MBOAT4: variants seen among roughly 807,000 people sequenced by gnomAD.
The protein encoded by MBOAT4 is membrane bound ghrelin O-acyltransferase MBOAT4, also known as membrane-bound ghrelin O-acyltransferase MBOAT4.
A neutral mutation model predicts 13.2 loss-of-function variants in MBOAT4; 11 were observed. That is an observed-to-expected ratio of 0.84 (90% confidence interval 0.53 to 1.38). The LOEUF (loss-of-function observed/expected upper bound fraction) is 1.38, where lower values mean the gene tolerates loss of function less well. Among genes scored for constraint, MBOAT4 ranks in the 40% most tolerant of loss-of-function variants. MBOAT4 has a pLI of 0.00. For synonymous variants in MBOAT4, 202 were observed against 210.3 expected (o/e 0.96, Z 0.34); for missense variants, 481 against 527.2 (o/e 0.91, Z 0.86).
At chr8:30,133,195 G>A (rs1024092115) in intron 2 of MBOAT4, among the ~76,000 whole-genome samples, 1 of 152,130 alleles carries the variant, frequency 6.6e-6, no homozygotes. Flanking sequence ...GGGATTACAG[G>A]CATGAGCCAC....
rs1433669245 is a variant in MBOAT4, at chr8:30,132,370, TC to T, written c.880del (p.Glu294LysfsTer60). 6.4e-7 allele frequency: 1 copy of T among 1,551,772 alleles called. No homozygotes were observed. The highest frequency in any genetic ancestry group is 1.2e-5 in the South Asian group (1 of 84,062). Reference protein sequence around the residue: ...YVPDADIWTLERTHRISVFSR... With the variant: ...YVPDADIWTLXRTHRISVFSR... ...GAACACAGATATCCTGTGGGTTCTT[TC>T]CAGGGTCCAGATGTCTGCATCGGGG... is the stretch of plus-strand genomic sequence containing the variant. On this transcript the variant is annotated frameshift_variant, in exon 3 of 3. Coordinates refer to ENST00000320542, the MANE Select transcript of MBOAT4 (RefSeq NM_001100916.2). LOFTEE classifies it low-confidence loss of function (END_TRUNC).
Position 30,134,604 on chromosome 8 carries a change from C to T in MBOAT4, c.345-1698G>A, listed in dbSNP as rs113659603. Among the ~76,000 whole-genome samples, 872 of 152,058 alleles carry T rather than the reference C, an allele frequency of 5.7e-3. 7 individuals are homozygous for T. Among genetic ancestry groups the T allele is most frequent in the African/African-American group, 0.02 (841 of 41,474 alleles). On this transcript the variant is annotated intron_variant, in intron 2 of 2. Coordinates refer to ENST00000320542, the MANE Select transcript of MBOAT4 (RefSeq NM_001100916.2). ...TGGCCCAGGCTGGAGTGCAGTGGCG[C>T]GATCTCAGCCGCCCACTGCAACCTC...
chr8:30,132,762 C>A lies in MBOAT4; in HGVS notation c.489G>T (p.Leu163=). The change falls in exon 3 of 3, where the codon CTG becomes CTT. Residue 163 remains leucine (L), a synonymous_variant. Coordinates refer to ENST00000320542, the MANE Select transcript of MBOAT4 (RefSeq NM_001100916.2). ...SSLSEHVCKA[L]PYFSYLLFFP... ...AAAAGAGCAAGTAGCTGAAATAGGGCAGTGCCTTACACACATGCTCAGACA... is the reference window on the plus strand; with the variant it reads ...AAAAGAGCAAGTAGCTGAAATAGGGAAGTGCCTTACACACATGCTCAGACA... 3 of 1,551,748 alleles carry A rather than the reference C, an allele frequency of 1.9e-6. No individual in the cohort carries two copies. The highest frequency in any genetic ancestry group is 2.6e-6 in the Non-Finnish European group (3 of 1,147,006).
intron 1 of MBOAT4, among the ~76,000 whole-genome samples, chr8:30,141,141 A>T (rs942891287): frequency 6.6e-6 from 1 of 151,870 alleles, no homozygotes; most frequent in Admixed American, 6.6e-5. Flanking sequence ...GTGCCTGGCC[A>T]TTGTTTTTTT....
At position 30,131,782 on chromosome 8, in the gene MBOAT4, G is replaced by T; in HGVS notation, c.*161C>A. On this transcript the variant is annotated 3_prime_UTR_variant, in exon 3 of 3. Transcript: ENST00000320542. Reference sequence around the variant, plus strand: ...AGTACCAGCAGAATAGCTTGCTAAAGTAGATACACAAATTCCTACTGCAAG... The same window carrying T: ...AGTACCAGCAGAATAGCTTGCTAAATTAGATACACAAATTCCTACTGCAAG... The T allele has an allele frequency of 1.3e-6, 1 of 782,392 alleles. No homozygotes were observed. The highest frequency in any genetic ancestry group is 2.0e-6 in the Non-Finnish European group (1 of 511,754). 48.5% of individuals were successfully genotyped at this position (782,392 alleles called of 1,614,324 possible).
intron 1 of MBOAT4, among the ~76,000 whole-genome samples, chr8:30,141,224 A>C (rs76181572): frequency 0.017 from 2,526 of 152,216 alleles, 84 homozygotes; most frequent in African/African-American, 0.058. Flanking sequence ...GGAGATGCAG[A>C]TCTGCAGAGG....
In MBOAT4 at chr8:30,144,471, C is replaced by CA; in HGVS notation, c.119+11dup. Reference sequence around the variant, plus strand: ...TTCTGGATGTAAGAGTAAAAATAGCCATCCAGCCTACCTGGCACGAGTGGA... The same window carrying CA: ...TTCTGGATGTAAGAGTAAAAATAGCCAATCCAGCCTACCTGGCACGAGTGGA... On this transcript the variant is annotated intron_variant, in intron 1 of 2. Coordinates refer to ENST00000320542, the MANE Select transcript of MBOAT4 (RefSeq NM_001100916.2). The CA allele has an allele frequency of 6.6e-7, 1 of 1,524,120 alleles. No individual in the cohort carries two copies. The highest frequency in any genetic ancestry group is 8.9e-7 in the Non-Finnish European group (1 of 1,122,788). 94.4% of individuals were successfully genotyped at this position (1,524,120 alleles called of 1,614,324 possible).
rs1370607241 is a variant in MBOAT4, at chr8:30,138,702, G to T, written c.174C>A (p.Ser58=). 1.9e-6 allele frequency: 3 copies of T among 1,550,484 alleles called. No individual in the cohort carries two copies. The highest frequency in any genetic ancestry group is 2.6e-6 in the Non-Finnish European group (3 of 1,147,002). The change falls in exon 2 of 3, where the codon TCC becomes TCA. Residue 58 remains serine, a synonymous_variant. Transcript: ENST00000320542. The stretch of plus-strand genomic sequence containing the variant: ...CAGGGGTGAAGACGAGCACGGCGTA[G>T]GAACCCATGGCAGCCACGGCCAGGG... ...GGALAVAAMG[S]YAVLVFTPAV... is the part of the protein sequence containing the mutation.
chr8:30,132,284 T>G lies in MBOAT4; in HGVS notation c.967A>C (p.Arg323=). The G allele has an allele frequency of 1.3e-6, 2 of 1,551,780 alleles. No individual in the cohort carries two copies. Among genetic ancestry groups the G allele is most frequent in the Non-Finnish European group, 1.7e-6 (2 of 1,147,016 alleles). ...WLRRLVFQHS[R]AWPLLQTFAF... ...AATGTCTGCAACAACGGCCAAGCCC[T>G]GCTGTGCTGGAATACAAGCCGTCGG... The change falls in exon 3 of 3, where the codon AGG becomes CGG. Residue 323 remains arginine (R), a synonymous_variant. Coordinates refer to ENST00000320542, the MANE Select transcript of MBOAT4 (RefSeq NM_001100916.2).
intron 2 of MBOAT4, among the ~76,000 whole-genome samples, chr8:30,135,585 C>T (rs965194150): frequency 2.6e-5 from 4 of 152,080 alleles, no homozygotes; most frequent in African/African-American, 7.2e-5. Context: ...CATCAAAGAT[C>T]CCACTGGCAA....
At chr8:30,143,368 T>TAAAAA (rs1183525272) in intron 1 of MBOAT4, among the ~76,000 whole-genome samples, 2 of 20,000 alleles carry the variant, frequency 1.0e-4, no homozygotes, top group African/African-American at 2.2e-4. Flanking sequence ...AAAAAAAAAA[T>TAAAAA]ATATATATAT....
Position 30,131,944 on chromosome 8 carries a change from C to T in MBOAT4, c.1307G>A (p.Ter436=), listed in dbSNP as rs752847049. 3.2e-6 allele frequency: 5 copies of T among 1,541,700 alleles called. No homozygotes were observed. Among genetic ancestry groups the T allele is most frequent in the Admixed American group, 2.0e-5 (1 of 50,250 alleles). ...LLAKRKHKCN[*] is the part of the protein sequence containing the mutation. Reference sequence around the variant, plus strand: ...TAAGGTGAAAGCCAGGGAAAGATGTCAGTTACATTTGTGCTTTCTCTTCGC... The same window carrying T: ...TAAGGTGAAAGCCAGGGAAAGATGTTAGTTACATTTGTGCTTTCTCTTCGC... The change falls in exon 3 of 3, where the codon TGA becomes TAA. Residue 436 remains the stop codon, a stop_retained_variant. Transcript: ENST00000320542.
Position 30,141,011 on chromosome 8 carries a change from T to A in MBOAT4, c.120-2255A>T, listed in dbSNP as rs180791409. On this transcript the variant is annotated intron_variant, in intron 1 of 2. Coordinates refer to ENST00000320542, the MANE Select transcript of MBOAT4 (RefSeq NM_001100916.2). The stretch of plus-strand genomic sequence containing the variant: ...CACCACCATACCTGGCTAATTTTTT[T>A]AATATTTTTTGTAGAGATGGGGATT... Among the ~76,000 whole-genome samples the A allele has an allele frequency of 4.6e-5, 7 of 152,076 alleles. No individual in the cohort carries two copies. The East Asian group carries it at 5.8e-4, about 13-fold the overall frequency.
chr8:30,139,204 C>T (rs1220414034), intron 1 of MBOAT4, among the ~76,000 whole-genome samples: 3 of 151,900 alleles, frequency 2.0e-5, no homozygotes, highest in African/African-American at 2.4e-5. Flanking sequence ...CCTCCTCCCT[C>T]GGCCTCCCAA....
At chr8:30,137,190 G>C in intron 2 of MBOAT4, 1 of 1,072,162 alleles carries the variant, frequency 9.3e-7, no homozygotes, top group Non-Finnish European at 1.4e-6. Context: ...ACAAAGCAAT[G>C]TTTCCTCTCA....
intron 1 of MBOAT4, among the ~76,000 whole-genome samples, chr8:30,141,707 T>C (rs1184998646): frequency 1.3e-5 from 2 of 152,134 alleles, no homozygotes; most frequent in South Asian, 2.1e-4. Flanking sequence ...ACTGGTCCTT[T>C]TGACTCGCTG....
chr8:30,140,384 G>A lies in MBOAT4; in HGVS notation c.120-1628C>T, dbSNP rs766733735. 2.6e-5 allele frequency among the ~76,000 whole-genome samples: 4 copies of A among 152,078 alleles called. No homozygotes were observed. The South Asian group carries it at 6.2e-4, about 24-fold the overall frequency. ...GTTACAGGCATAAGCCATCGCGCCCGGCCACTGCAGAATCTGGACTCTTTT... is the reference window on the plus strand; with the variant it reads ...GTTACAGGCATAAGCCATCGCGCCCAGCCACTGCAGAATCTGGACTCTTTT... On this transcript the variant is annotated intron_variant, in intron 1 of 2. Coordinates refer to ENST00000320542, the MANE Select transcript of MBOAT4 (RefSeq NM_001100916.2).
intron 2 of MBOAT4, chr8:30,137,630 A>G (rs1803177750): frequency 1.4e-6 from 1 of 739,876 alleles, no homozygotes; most frequent in Non-Finnish European, 2.2e-6. Flanking sequence ...AGACAGTGAA[A>G]GAAGTCTGAC....
In MBOAT4 at chr8:30,137,313, G is replaced by C. The variant is rs77583925; in HGVS notation, c.344+1219C>G. Reference sequence around the variant, plus strand: ...TCTTCAGCAAGATGGGAACAGCTGAGTCTGAAGGAAGAGAAACACTGACAC... The same window carrying C: ...TCTTCAGCAAGATGGGAACAGCTGACTCTGAAGGAAGAGAAACACTGACAC... On this transcript the variant is annotated intron_variant, in intron 2 of 2. Transcript: ENST00000320542. 4.6e-3 allele frequency: 7,164 copies of C among 1,551,700 alleles called. 298 individuals carry two copies. The African/African-American group carries it at 0.088, about 19-fold the overall frequency.
Sources: gnomAD v4.1 joint callset for allele counts (sites outside exome capture counted in the v4.1 genomes callset) on GRCh38, gnomAD v4.1.1 for gene constraint, MANE v1.5 for transcripts, NCBI Gene and HGNC (gene_info 2026-07-23, HGNC 2026-07-21) for gene names.